KSR1: variants seen among roughly 807,000 people sequenced by gnomAD.
KSR1 encodes kinase suppressor of ras 1.
KSR1 carries 35 observed loss-of-function variants against 92.9 expected under a neutral mutation model. The ratio of observed to expected loss-of-function variants is 0.38; its 90% CI spans 0.29 to 0.50. The LOEUF is 0.50. Ranked by LOEUF, KSR1 falls within the 20% of genes least tolerant of loss-of-function variation. The probability of loss-of-function intolerance (pLI) is 0.94; values close to 1 mark genes in which losing one functional copy is unlikely to be tolerated. For missense variants in KSR1, 972 were observed against 1,158.5 expected, an observed-to-expected ratio of 0.84 and a Z score of 2.34; for synonymous variants, 467 against 472.6, an observed-to-expected ratio of 0.99 and a Z score of 0.15.
intron 18 of KSR1, chr17:27,612,512 C>T (rs2073949091): frequency 6.6e-6 from 1 of 152,226 alleles, no homozygotes; most frequent in East Asian, 1.9e-4. Flanking sequence ...AGAAGCCTCT[C>T]TTCATGGCTT....
intron 9 of KSR1, among the ~76,000 whole-genome samples, chr17:27,593,780 G>A (rs945502197): frequency 6.6e-6 from 1 of 152,368 alleles, no homozygotes; most frequent in Non-Finnish European, 1.5e-5. Context: ...CATAGACTGG[G>A]TAGCTTAAAA....
At chr17:27,539,832 C>T (rs937130155) in intron 1 of KSR1, among the ~76,000 whole-genome samples, 5 of 152,224 alleles carry the variant, frequency 3.3e-5, no homozygotes, top group Admixed American at 1.3e-4. Flanking sequence ...CATTTACTGA[C>T]TTTTCAAATA....
chr17:27,590,688 G>C, intron 6 of KSR1, 123 bp from the exon 7 acceptor site: 1 of 821,960 alleles, frequency 1.2e-6, no homozygotes, highest in Non-Finnish European at 2.0e-6. Context: ...CTGGGAGGGG[G>C]CCAAGGGGCT....
chr17:27,517,579 G>A (rs1254725519), intron 1 of KSR1, among the ~76,000 whole-genome samples: 8 of 152,120 alleles, frequency 5.3e-5, no homozygotes, highest in Admixed American at 3.9e-4. Flanking sequence ...TACAGGCTTC[G>A]GCCACTGCAC....
chr17:27,531,701 C>T (rs2070546205), intron 1 of KSR1, among the ~76,000 whole-genome samples: 1 of 152,210 alleles, frequency 6.6e-6, no homozygotes, highest in African/African-American at 2.4e-5. Context: ...CCCTGAGGAG[C>T]TGCAGTGACA....
intron 2 of KSR1, among the ~76,000 whole-genome samples, chr17:27,563,714 G>A (rs370776947): frequency 4.2e-4 from 64 of 152,174 alleles, no homozygotes; most frequent in African/African-American, 1.3e-3. Flanking sequence ...GCAGGAGAAC[G>A]CATCAGATGG....
intron 9 of KSR1, among the ~76,000 whole-genome samples, chr17:27,593,039 A>G (rs1215826061): frequency 6.6e-6 from 1 of 152,212 alleles, no homozygotes; most frequent in Non-Finnish European, 1.5e-5. Flanking sequence ...CTGGGCCCTT[A>G]GTCACAGTGC....
intron 1 of KSR1, among the ~76,000 whole-genome samples, chr17:27,491,204 A>G (rs577858076): frequency 1.4e-4 from 21 of 152,000 alleles, no homozygotes; most frequent in Admixed American, 1.4e-3. Flanking sequence ...AGCTCACGGT[A>G]GCCTCAAACT....
intron 19 of KSR1, among the ~76,000 whole-genome samples, chr17:27,620,699 G>A (rs1185973918): frequency 6.6e-6 from 1 of 152,162 alleles, no homozygotes; most frequent in Non-Finnish European, 1.5e-5. Flanking sequence ...ATGTGAGGCA[G>A]CGAGGCCAAG....
chr17:27,549,421 T>C (rs2151087121), intron 1 of KSR1, among the ~76,000 whole-genome samples: 1 of 152,326 alleles, frequency 6.6e-6, no homozygotes, highest in East Asian at 1.9e-4. Context: ...GAGTCCCTTA[T>C]TTTTCATCAG....
chr17:27,503,357 C>T (rs2069258191), intron 1 of KSR1, among the ~76,000 whole-genome samples: 1 of 152,102 alleles, frequency 6.6e-6, no homozygotes, highest in Non-Finnish European at 1.5e-5. Flanking sequence ...TGCACAGGAC[C>T]TCCTGCAACA....
chr17:27,547,935 A>T (rs374224801), intron 1 of KSR1, among the ~76,000 whole-genome samples: 1 of 151,724 alleles, frequency 6.6e-6, no homozygotes, highest in Non-Finnish European at 1.5e-5. Flanking sequence ...CTGGTCTCGA[A>T]CCTCTGATTT....
At chr17:27,536,417 C>T (rs923885869) in intron 1 of KSR1, among the ~76,000 whole-genome samples, 2 of 152,242 alleles carry the variant, frequency 1.3e-5, no homozygotes, top group Non-Finnish European at 2.9e-5. Context: ...TTTACACCCA[C>T]ACTGCCACTA....
chr17:27,619,930 T>C (rs1355892541), intron 19 of KSR1, among the ~76,000 whole-genome samples: 1 of 152,052 alleles, frequency 6.6e-6, no homozygotes, highest in Non-Finnish European at 1.5e-5. Flanking sequence ...GCCAGGGTGG[T>C]CTCAAACTCC....
chr17:27,483,210 T>A (rs144207836), intron 1 of KSR1, among the ~76,000 whole-genome samples: 148 of 152,284 alleles, frequency 9.7e-4, no homozygotes, highest in African/African-American at 3.4e-3. Context: ...AACAGGTTTT[T>A]TGAAGTGAAA....
intron 2 of KSR1, among the ~76,000 whole-genome samples, chr17:27,571,535 C>T (rs2072307556): frequency 6.6e-6 from 1 of 152,226 alleles, no homozygotes. Context: ...TATGTCACCA[C>T]CCACAGGGCT....
intron 9 of KSR1, among the ~76,000 whole-genome samples, chr17:27,593,178 G>A (rs1351537613): frequency 6.6e-6 from 1 of 152,232 alleles, no homozygotes; most frequent in African/African-American, 2.4e-5. Flanking sequence ...GCCAGGTCAG[G>A]CTTCTCTGCT....
intron 6 of KSR1, among the ~76,000 whole-genome samples, chr17:27,590,578 A>G (rs771325248): frequency 6.6e-5 from 10 of 152,242 alleles, no homozygotes; most frequent in East Asian, 1.9e-4. Context: ...GTACTGCCAG[A>G]TGACCACACC....
At position 27,553,196 on chromosome 17, in the gene KSR1, G is replaced by A. The variant is rs186992217; in HGVS notation, c.372+2488G>A. Among the ~76,000 whole-genome samples, 6 of 152,314 alleles carry A rather than the reference G, an allele frequency of 3.9e-5. No individual in the cohort carries two copies. In the East Asian group the frequency reaches 7.7e-4, roughly 20 times the overall value. ...GCTGCTTGCTGGCACAGGCAGTTGTGAAAGTCAAGTGCGGGGGTGGAGGAG... is the reference window on the plus strand; with the variant it reads ...GCTGCTTGCTGGCACAGGCAGTTGTAAAAGTCAAGTGCGGGGGTGGAGGAG... On this transcript the variant is annotated intron_variant, in intron 2 of 20. Transcript: ENST00000644974.
Sources: gnomAD v4.1 joint callset for allele counts (sites outside exome capture counted in the v4.1 genomes callset) on GRCh38, gnomAD v4.1.1 for gene constraint, MANE v1.5 for transcripts, NCBI Gene and HGNC (gene_info 2026-07-23, HGNC 2026-07-21) for gene names.